SNTG2: variants seen among roughly 807,000 people sequenced by gnomAD.
SNTG2 encodes gamma-2-syntrophin.
Under a neutral mutation model 70.9 loss-of-function variants are expected in SNTG2, and 74 were observed. The observed-to-expected ratio is 1.04, with a 90% CI of 0.86 to 1.27. The LOEUF (loss-of-function observed/expected upper bound fraction) is 1.27. SNTG2 is among the 50% of genes most tolerant of loss of function. SNTG2 has a pLI of 0.00. For missense variants in SNTG2, 717 were observed against 690.7 expected, an observed-to-expected ratio of 1.04 and a Z score of -0.43; for synonymous variants, 278 against 273.8, an observed-to-expected ratio of 1.02 and a Z score of -0.15.
chr2:1,051,565 G>A (rs1662075640), intron 1 of SNTG2, among the ~76,000 whole-genome samples: 1 of 152,308 alleles, frequency 6.6e-6, no homozygotes, highest in African/African-American at 2.4e-5. Flanking sequence ...TTGTCATGGT[G>A]TATGGCATAT....
intron 1 of SNTG2, among the ~76,000 whole-genome samples, chr2:963,705 AG>A (rs1239022620): frequency 6.6e-6 from 1 of 152,168 alleles, no homozygotes; most frequent in Non-Finnish European, 1.5e-5. Context: ...GGCCCATACT[AG>A]GTGCCCAGTA....
intron 1 of SNTG2, among the ~76,000 whole-genome samples, chr2:954,689 G>T (rs1007290499): frequency 1.3e-5 from 2 of 152,122 alleles, no homozygotes; most frequent in African/African-American, 4.8e-5. Flanking sequence ...TCCCTCACCT[G>T]AGGACTGACC....
At chr2:1,187,907 AAG>A (rs897234311) in intron 8 of SNTG2, among the ~76,000 whole-genome samples, 4 of 152,248 alleles carry the variant, frequency 2.6e-5, no homozygotes, top group East Asian at 1.9e-4. Flanking sequence ...TGTTCGCACA[AAG>A]AGAGTCTGAA....
chr2:995,603 A>G (rs777082960), intron 1 of SNTG2, among the ~76,000 whole-genome samples: 9 of 152,136 alleles, frequency 5.9e-5, no homozygotes, highest in Non-Finnish European at 8.8e-5. Flanking sequence ...TGATGTTTTT[A>G]GAAGAGTTTG....
chr2:1,347,801 A>G (rs1057093994), intron 16 of SNTG2, among the ~76,000 whole-genome samples: 4 of 152,170 alleles, frequency 2.6e-5, no homozygotes, highest in African/African-American at 9.7e-5. Context: ...ACTCCCACAC[A>G]TGCACCCTTG....
intron 1 of SNTG2, among the ~76,000 whole-genome samples, chr2:965,572 C>T (rs939139653): frequency 6.7e-6 from 1 of 149,072 alleles, no homozygotes; most frequent in Non-Finnish European, 1.5e-5. Flanking sequence ...TCTGTGGTCC[C>T]CTCCTCCTCT....
rs538342778 is a variant in SNTG2 at position 1,259,441 on chromosome 2, G to A, written c.1077G>A (p.Lys359=). The change falls in exon 13 of 17, where the codon AAG becomes AAA. Residue 359 remains lysine, a splice_region_variant and synonymous_variant. Coordinates refer to ENST00000308624, the MANE Select transcript of SNTG2 (RefSeq NM_018968.4). The part of the protein sequence containing the change: ...HLCEVLFKVH[K]FWLTEDCWLQ... ...GTGAGGTGCTATTTAAAGTTCACAA[G>A]GTAGGTATCTTTTGCACTTCAGATG... The A allele has an allele frequency of 6.2e-7, 1 of 1,613,480 alleles. No individual in the cohort carries two copies. The highest frequency in any genetic ancestry group is 1.3e-5 in the African/African-American group (1 of 75,056).
At chr2:954,843 A>G (rs1448970896) in intron 1 of SNTG2, among the ~76,000 whole-genome samples, 2 of 152,220 alleles carry the variant, frequency 1.3e-5, no homozygotes, top group African/African-American at 2.4e-5. Context: ...TGCACATTTT[A>G]ATAAATACTG....
At chr2:1,352,475 C>T (rs1200706221) in intron 16 of SNTG2, among the ~76,000 whole-genome samples, 6 of 152,172 alleles carry the variant, frequency 3.9e-5, no homozygotes, top group African/African-American at 7.2e-5. Context: ...AGCTGGGCCC[C>T]GTGTCAGGTT....
intron 9 of SNTG2, among the ~76,000 whole-genome samples, chr2:1,230,720 C>G (rs1433109661): frequency 6.6e-6 from 1 of 152,248 alleles, no homozygotes; most frequent in Non-Finnish European, 1.5e-5. Flanking sequence ...GCCAGACATT[C>G]CCAAGCCTAG....
intron 4 of SNTG2, among the ~76,000 whole-genome samples, chr2:1,131,155 C>G (rs1667988309): frequency 6.6e-6 from 1 of 152,158 alleles, no homozygotes; most frequent in African/African-American, 2.4e-5. Context: ...GTAAGACATT[C>G]TGGTCTGTTA....
At chr2:1,203,690 ATG>A (rs1553355281) in intron 8 of SNTG2, among the ~76,000 whole-genome samples, 149 of 141,350 alleles carry the variant, frequency 1.1e-3, no homozygotes, top group East Asian at 3.7e-3. Context: ...ATATATATAT[ATG>A]TGTGTGTGTG....
chr2:1,015,415 A>C (rs1356915161), intron 1 of SNTG2, among the ~76,000 whole-genome samples: 3 of 152,266 alleles, frequency 2.0e-5, no homozygotes, highest in Non-Finnish European at 4.4e-5. Context: ...GTTAACTGAC[A>C]GAATACAAGC....
intron 1 of SNTG2, among the ~76,000 whole-genome samples, chr2:1,081,261 G>A (rs1305313915): frequency 9.9e-5 from 15 of 152,170 alleles, no homozygotes; most frequent in Admixed American, 4.6e-4. Context: ...GTCATCAGGC[G>A]CCCGTGTGTG....
At chr2:1,133,569 A>G (rs1390513750) in intron 4 of SNTG2, among the ~76,000 whole-genome samples, 1 of 152,218 alleles carries the variant, frequency 6.6e-6, no homozygotes, top group African/African-American at 2.4e-5. Context: ...AACTAGAATC[A>G]CTTTTCAGCT....
At chr2:1,112,498 G>T (rs367866904) in intron 4 of SNTG2, among the ~76,000 whole-genome samples, 1 of 151,148 alleles carries the variant, frequency 6.6e-6, no homozygotes, top group Non-Finnish European at 1.5e-5. Context: ...GTGAAGGATC[G>T]TGTGTACTAA....
chr2:1,355,015 A>G (rs1435881747), intron 16 of SNTG2, among the ~76,000 whole-genome samples: 3 of 152,222 alleles, frequency 2.0e-5, no homozygotes, highest in African/African-American at 7.2e-5. Context: ...CAGGGAATGT[A>G]TCGTCAGCTT....
intron 10 of SNTG2, among the ~76,000 whole-genome samples, chr2:1,239,334 T>A (rs1676898449): frequency 6.6e-6 from 1 of 152,126 alleles, no homozygotes; most frequent in Non-Finnish European, 1.5e-5. Context: ...GAAAACAACA[T>A]CTACCTCCAT....
chr2:1,176,272 A>G (rs1309716766), intron 8 of SNTG2, among the ~76,000 whole-genome samples: 3 of 152,160 alleles, frequency 2.0e-5, no homozygotes, highest in Non-Finnish European at 4.4e-5. Context: ...TTAGAAGGCT[A>G]TCAAGACTCA....
Sources: gnomAD v4.1 joint callset for allele counts (sites outside exome capture counted in the v4.1 genomes callset) on GRCh38, gnomAD v4.1.1 for gene constraint, MANE v1.5 for transcripts, NCBI Gene and HGNC (gene_info 2026-07-23, HGNC 2026-07-21) for gene names.